The following PFKL variants were observed in gnomAD, a reference collection of about 807,000 sequenced individuals.
The protein encoded by PFKL is ATP-dependent 6-phosphofructokinase, liver type.
Under a neutral mutation model 92.1 loss-of-function variants are expected in PFKL, and 74 were observed. The observed-to-expected ratio is 0.80, with a 90% CI of 0.67 to 0.97. The LOEUF (loss-of-function observed/expected upper bound fraction) is 0.97, where lower values mean the gene tolerates loss of function less well. PFKL is among the 50% of genes least tolerant of loss of function. The pLI is 0.00. For synonymous variants in PFKL, 494 were observed against 456.4 expected (o/e 1.08, Z -1.05); for missense variants, 1,028 against 1,116.6 (o/e 0.92, Z 1.13).
At chr21:44,313,883 T>C (rs1342839068) in intron 6 of PFKL, 30 bp from the exon 7 acceptor site, 7 of 1,518,694 alleles carry the variant, frequency 4.6e-6, no homozygotes, top group Admixed American at 1.9e-5. Context: ...TGGGTGGGGG[T>C]CCTGAGCAGG....
In PFKL at chr21:44,324,514, T is replaced by A. The variant is rs757694299; in HGVS notation, c.1674T>A (p.Ser558=). The change falls in exon 17 of 22, where the codon TCT becomes TCA. Residue 558 remains serine (S), a synonymous_variant. Coordinates refer to ENST00000349048, the MANE Select transcript of PFKL (RefSeq NM_002626.6). ...AGAGCTGTGACCGCATCAAACAGTC[T>A]GCCTCGGGGACCAAGCGCCGTGTGT... ...AMESCDRIKQ[S]ASGTKRRVFI... 3 of 1,613,310 alleles carry A rather than the reference T, an allele frequency of 1.9e-6. No individual in the cohort carries two copies. In the Admixed American group the frequency reaches 5.0e-5, roughly 27 times the overall value.
intron 9 of PFKL, among the ~76,000 whole-genome samples, chr21:44,316,901 G>A (rs990159471): frequency 1.1e-4 from 16 of 152,190 alleles, no homozygotes; most frequent in Non-Finnish European, 2.2e-4. Flanking sequence ...CCTCCTGGCT[G>A]TTCTGACCCC....
At chr21:44,301,281 G>C (rs1396811018) in intron 1 of PFKL, among the ~76,000 whole-genome samples, 3 of 152,164 alleles carry the variant, frequency 2.0e-5, no homozygotes, top group Non-Finnish European at 4.4e-5. Context: ...GGCTGAGCCA[G>C]GCCTGTGGTG....
At chr21:44,322,919 C>A (rs1294225371) in intron 14 of PFKL, 43 bp from the exon 15 acceptor site, 1 of 1,440,430 alleles carries the variant, frequency 6.9e-7, no homozygotes, top group East Asian at 2.3e-5. Context: ...GGACACGCGT[C>A]CCCGGGTGCT....
intron 17 of PFKL, 94 bp from the exon 18 acceptor site, chr21:44,324,762 G>T: frequency 3.8e-6 from 6 of 1,569,428 alleles, no homozygotes; most frequent in Non-Finnish European, 5.2e-6. Flanking sequence ...GGTGGGACGC[G>T]TAGCCCAGTG....
Position 44,319,411 on chromosome 21 carries a change from G to A in PFKL, c.1123G>A (p.Gly375Ser). 3.7e-6 allele frequency: 6 copies of A among 1,613,270 alleles called. No individual in the cohort carries two copies. The highest frequency in any genetic ancestry group is 5.1e-6 in the Non-Finnish European group (6 of 1,179,582). Residue 375 changes from glycine to serine, a missense_variant, in exon 11 of 22, where the codon GGT becomes AGT. Physicochemically the swap from Gly to Ser is moderately conservative, Grantham distance 56. Transcript: ENST00000349048. ...KRFDEATQLRGGSFENNWNIY... is the reference protein window; with the variant it reads ...KRFDEATQLRSGSFENNWNIY... ...GTTTGACGAGGCCACCCAGCTCCGTGGTGGGTAAGCCCCCTCAGCAGACCC... is the reference window on the plus strand; with the variant it reads ...GTTTGACGAGGCCACCCAGCTCCGTAGTGGGTAAGCCCCCTCAGCAGACCC...
intron 3 of PFKL, among the ~76,000 whole-genome samples, chr21:44,311,729 A>C (rs1402319657): frequency 6.6e-6 from 1 of 152,130 alleles, no homozygotes; most frequent in Admixed American, 6.5e-5. Flanking sequence ...GGAGCTGCTG[A>C]GGCTTGAGCC....
At position 44,321,724 on chromosome 21, in the gene PFKL, T is replaced by C. The variant is rs367675559; in HGVS notation, c.1192-5T>C. ...CCTCACGCTCATCTCCCCTTCTCTCTGAAGTCTAACTTCTCCCTGGCCATC... is the reference window on the plus strand; with the variant it reads ...CCTCACGCTCATCTCCCCTTCTCTCCGAAGTCTAACTTCTCCCTGGCCATC... On this transcript the variant is annotated splice_region_variant and splice_polypyrimidine_tract_variant and intron_variant, in intron 12 of 21. Transcript: ENST00000349048. The C allele has an allele frequency of 1.9e-6, 3 of 1,555,204 alleles. No individual in the cohort carries two copies. The highest frequency in any genetic ancestry group is 2.6e-6 in the Non-Finnish European group (3 of 1,149,848).
At chr21:44,304,505 G>A (rs8129937) in intron 1 of PFKL, 384,255 of 1,145,870 alleles carry the variant, frequency 0.34, 66,076 homozygotes, top group East Asian at 0.58. Flanking sequence ...GGCGAGGGAG[G>A]GACGGAGGCT....
Position 44,300,159 on chromosome 21 carries a change from C to G in PFKL, c.54C>G (p.Ile18Met). 8.4e-7 allele frequency: 1 copy of G among 1,185,890 alleles called. No homozygotes were observed. The highest frequency in any genetic ancestry group is 6.4e-5 in the East Asian group (1 of 15,508). 73.5% of individuals were successfully genotyped at this position (1,185,890 alleles called of 1,614,324 possible). ...GGGCGTCGGGCGCGGGCAAGGCCAT[C>G]GGCGTCCTGACCAGCGGCGGCGACG... ...KLRASGAGKA[I>M]GVLTSGGDAQ... The change falls in exon 1 of 22, where the codon ATC (isoleucine) becomes ATG (methionine). Residue 18 changes from isoleucine (I) to methionine (M), a missense_variant. Coordinates refer to ENST00000349048, the MANE Select transcript of PFKL (RefSeq NM_002626.6).
intron 3 of PFKL, 104 bp downstream of exon 3, chr21:44,311,187 C>A: frequency 1.3e-6 from 1 of 789,518 alleles, no homozygotes; most frequent in South Asian, 1.7e-5. Context: ...GACACGTGCA[C>A]AAACACACAC....
intron 3 of PFKL, among the ~76,000 whole-genome samples, chr21:44,311,376 G>A (rs908594689): frequency 2.0e-5 from 3 of 150,824 alleles, no homozygotes; most frequent in Admixed American, 6.6e-5. Context: ...ACACACAGAC[G>A]CGCACACAGA....
rs541446998 is a variant in PFKL at position 44,307,622 on chromosome 21, C to G, written c.159+868C>G. Among the ~76,000 whole-genome samples the G allele has an allele frequency of 1.1e-3, 171 of 152,340 alleles. 1 individual carries two copies. The highest frequency in any genetic ancestry group is 4.0e-3 in the African/African-American group (168 of 41,574). On this transcript the variant is annotated intron_variant, in intron 2 of 21. Coordinates refer to ENST00000349048, the MANE Select transcript of PFKL (RefSeq NM_002626.6). ...CTGGGTCTCAGTTCCCCCATCTTGG[C>G]CCCAGGGAACAGCAGCCTGTCCAGC...
chr21:44,305,380 A>G (rs759451473), intron 1 of PFKL: 6 of 1,365,530 alleles, frequency 4.4e-6, no homozygotes, highest in Non-Finnish European at 5.9e-6. Context: ...CTCCATGTTC[A>G]AGGGAGCTGC....
intron 14 of PFKL, 81 bp from the exon 15 acceptor site, chr21:44,322,881 A>C (rs1478011049): frequency 2.0e-6 from 2 of 1,004,764 alleles, no homozygotes; most frequent in Non-Finnish European, 3.0e-6. Flanking sequence ...CGGCCAAGGC[A>C]ATGCCTTTCT....
At position 44,301,393 on chromosome 21, in the gene PFKL, G is replaced by C. The variant is rs576976558; in HGVS notation, c.85+1203G>C. Among the ~76,000 whole-genome samples the C allele has an allele frequency of 1.0e-3, 157 of 152,370 alleles. 4 individuals are homozygous for C. In the South Asian group the frequency reaches 0.032, roughly 31 times the overall value. On this transcript the variant is annotated intron_variant, in intron 1 of 21. Transcript: ENST00000349048. The stretch of plus-strand genomic sequence containing the variant: ...GAGCCAGTGTGGCTCCACAAGTCCT[G>C]TCCTGTGTGGCTCTGGGTCACGCCT...
At position 44,317,390 on chromosome 21, in the gene PFKL, C is replaced by T. The variant is rs537235943; in HGVS notation, c.936+866C>T. On this transcript the variant is annotated intron_variant, in intron 9 of 21. Transcript: ENST00000349048. The stretch of plus-strand genomic sequence containing the variant: ...GGGAGGCTTCCTCAGAGAGGGGCCC[C>T]GCCGACCTAGCCAGGCAGCTGCTGT... Among the ~76,000 whole-genome samples, 4 of 152,278 alleles carry T rather than the reference C, an allele frequency of 2.6e-5. No homozygotes were observed. In the South Asian group the frequency reaches 6.2e-4, roughly 24 times the overall value.
chr21:44,316,704 CTGTGTGTGTCTGGTCCGTGTGGG>C (rs2047217118), intron 9 of PFKL, among the ~76,000 whole-genome samples, 180 bp downstream of exon 9: 2 of 151,386 alleles, frequency 1.3e-5, no homozygotes, highest in African/African-American at 4.9e-5. Flanking sequence ...GTGGGTGTGT[CTGTGTGTGTCTGGTCCGTGTGGG>C]TGTGTGTGGC....
Position 44,312,197 on chromosome 21 carries a change from C to T in PFKL, c.330C>T (p.Ile110=). 1 of 1,606,910 alleles carries T rather than the reference C, an allele frequency of 6.2e-7. No individual in the cohort carries two copies. The highest frequency in any genetic ancestry group is 8.5e-7 in the Non-Finnish European group (1 of 1,177,264). The part of the protein sequence containing the change: ...AAAYNLVQHG[I]TNLCVIGGDG... Reference sequence around the variant, plus strand: ...CCTACAACCTGGTCCAGCACGGCATCACCAACCTGTGCGTCATCGGCGGGG... The same window carrying T: ...CCTACAACCTGGTCCAGCACGGCATTACCAACCTGTGCGTCATCGGCGGGG... The change falls in exon 4 of 22, where the codon ATC becomes ATT. Residue 110 remains isoleucine (I), a synonymous_variant. Coordinates refer to ENST00000349048, the MANE Select transcript of PFKL (RefSeq NM_002626.6).
Sources: allele counts gnomAD v4.1 joint callset (sites outside exome capture counted in the v4.1 genomes callset), GRCh38; gene constraint gnomAD v4.1.1; transcripts MANE v1.5; gene names NCBI Gene and HGNC (gene_info 2026-07-23, HGNC 2026-07-21).